Variants in ENOX1 observed in about 807,000 individuals in gnomAD.
ENOX1 encodes the protein ecto-NOX disulfide-thiol exchanger 1.
In ENOX1, 42 loss-of-function variants were observed where a neutral mutation model predicts 82.5. That is an observed-to-expected ratio of 0.51 (90% CI 0.40 to 0.66). The LOEUF is 0.66. ENOX1 is among the 30% of genes least tolerant of loss of function. ENOX1 has a pLI of 0.00. For synonymous variants in ENOX1, 271 were observed against 282.2 expected (o/e 0.96, Z 0.40); for missense variants, 608 against 811.6 (o/e 0.75, Z 3.05).
chr13:43,752,171 C>T (rs56245533), intron 1 of ENOX1, among the ~76,000 whole-genome samples: 3,304 of 152,184 alleles, frequency 0.022, 134 homozygotes, highest in African/African-American at 0.076. Flanking sequence ...TATTTACCAC[C>T]CATATTTCTT....
At chr13:43,435,355 C>T (rs375409597) in intron 3 of ENOX1, among the ~76,000 whole-genome samples, 1 of 152,264 alleles carries the variant, frequency 6.6e-6, no homozygotes, top group East Asian at 1.9e-4. Context: ...TGTGATTGTA[C>T]ATTACATCCT....
intron 1 of ENOX1, among the ~76,000 whole-genome samples, chr13:43,729,218 T>C (rs776575225): frequency 2.0e-5 from 3 of 152,226 alleles, no homozygotes; most frequent in Admixed American, 6.5e-5. Flanking sequence ...GATGTAATTA[T>C]ATATGTCAAG....
intron 11 of ENOX1, among the ~76,000 whole-genome samples, chr13:43,302,747 C>T (rs1171703208): frequency 6.6e-6 from 1 of 152,156 alleles, no homozygotes; most frequent in Non-Finnish European, 1.5e-5. Context: ...TCCTGTCTTA[C>T]TGTGTTTCCA....
chr13:43,260,393 G>A (rs769088164), intron 14 of ENOX1, among the ~76,000 whole-genome samples: 3 of 152,206 alleles, frequency 2.0e-5, no homozygotes, highest in Admixed American at 6.5e-5. Flanking sequence ...TTTAACCCCA[G>A]TGTGGGAGTG....
chr13:43,680,852 TTA>T (rs1566759630), intron 1 of ENOX1, among the ~76,000 whole-genome samples: 1 of 152,032 alleles, frequency 6.6e-6, no homozygotes, highest in African/African-American at 2.4e-5. Context: ...ATCTGGAAAA[TTA>T]TTTTTCCAAC....
intron 2 of ENOX1, among the ~76,000 whole-genome samples, chr13:43,569,227 T>G (rs1402245664): frequency 6.6e-6 from 1 of 152,208 alleles, no homozygotes; most frequent in African/African-American, 2.4e-5. Flanking sequence ...TCATGGTTGC[T>G]TTTTCCATCC....
chr13:43,678,972 T>C (rs535247692), intron 1 of ENOX1, among the ~76,000 whole-genome samples: 1 of 152,278 alleles, frequency 6.6e-6, no homozygotes, highest in Non-Finnish European at 1.5e-5. Flanking sequence ...AGAGATAGGT[T>C]GTTATGCATA....
At chr13:43,601,932 T>G (rs1010303245) in intron 2 of ENOX1, among the ~76,000 whole-genome samples, 5 of 152,058 alleles carry the variant, frequency 3.3e-5, no homozygotes, top group African/African-American at 1.2e-4. Flanking sequence ...CTTCTTATCC[T>G]AGAATAGTAT....
intron 2 of ENOX1, among the ~76,000 whole-genome samples, chr13:43,556,908 C>A (rs1025886835): frequency 2.3e-4 from 35 of 152,136 alleles, no homozygotes; most frequent in African/African-American, 8.4e-4. Flanking sequence ...GCAGGGATTA[C>A]CAGGGAAGGG....
intron 5 of ENOX1, among the ~76,000 whole-genome samples, chr13:43,381,143 G>A (rs563933345): frequency 6.6e-6 from 1 of 151,784 alleles, no homozygotes; most frequent in East Asian, 1.9e-4. Context: ...ATCAAGATTG[G>A]CCATATTCTG....
rs535761613 is a variant in ENOX1 at position 43,715,233 on chromosome 13, T to C, written c.-284-47689A>G. ...TTCTTTTCTTTAAGAATGTTGAATATTGGCCCCCACTGTCTTCTGGCTTGT... is the reference window on the plus strand; with the variant it reads ...TTCTTTTCTTTAAGAATGTTGAATACTGGCCCCCACTGTCTTCTGGCTTGT... On this transcript the variant is annotated intron_variant, in intron 1 of 16. Coordinates refer to ENST00000690772, the MANE Select transcript of ENOX1 (RefSeq NM_001347969.2). Among the ~76,000 whole-genome samples the C allele has an allele frequency of 5.9e-5, 9 of 152,370 alleles. No individual in the cohort carries two copies. The East Asian group carries it at 1.7e-3, about 29-fold the overall frequency.
chr13:43,593,341 G>T (rs1402997741), intron 2 of ENOX1, among the ~76,000 whole-genome samples: 1 of 152,206 alleles, frequency 6.6e-6, no homozygotes, highest in East Asian at 1.9e-4. Flanking sequence ...AAAATGGTTT[G>T]GAATTGAGGG....
At chr13:43,649,656 C>T (rs1330566645) in intron 2 of ENOX1, among the ~76,000 whole-genome samples, 1 of 152,112 alleles carries the variant, frequency 6.6e-6, no homozygotes, top group East Asian at 1.9e-4. Context: ...AGACATTTCC[C>T]TGACATAGCA....
chr13:43,574,846 G>A (rs2080344149), intron 2 of ENOX1, among the ~76,000 whole-genome samples: 2 of 152,290 alleles, frequency 1.3e-5, no homozygotes, highest in Middle Eastern at 6.8e-3. Flanking sequence ...GACACTGGGT[G>A]TGTACGATTG....
At chr13:43,689,527 C>T (rs991992031) in intron 1 of ENOX1, among the ~76,000 whole-genome samples, 4 of 152,134 alleles carry the variant, frequency 2.6e-5, no homozygotes, top group Admixed American at 2.0e-4. Context: ...GAAAAATAAG[C>T]CAAATTGGAT....
At chr13:43,285,610 A>G (rs980313036) in intron 12 of ENOX1, among the ~76,000 whole-genome samples, 1 of 152,058 alleles carries the variant, frequency 6.6e-6, no homozygotes, top group Non-Finnish European at 1.5e-5. Context: ...GTTCGAGACC[A>G]GCCTGGCCAA....
intron 2 of ENOX1, among the ~76,000 whole-genome samples, chr13:43,606,356 C>T (rs1274092447): frequency 6.6e-6 from 1 of 152,194 alleles, no homozygotes; most frequent in Admixed American, 6.5e-5. Flanking sequence ...GATATCTGCA[C>T]TCTCATGTTT....
chr13:43,309,532 A>G (rs1450052218), intron 11 of ENOX1, among the ~76,000 whole-genome samples: 1 of 152,094 alleles, frequency 6.6e-6, no homozygotes, highest in Non-Finnish European at 1.5e-5. Flanking sequence ...CCAAGGACTT[A>G]TTTTCGGAAT....
chr13:43,437,942 T>C (rs17573327), intron 3 of ENOX1, among the ~76,000 whole-genome samples: 32,455 of 152,084 alleles, frequency 0.21, 3,811 homozygotes, highest in Middle Eastern at 0.31. Context: ...TCTCCAAGGT[T>C]AAATAGAGGA....
Sources: gnomAD v4.1 joint callset for allele counts (sites outside exome capture counted in the v4.1 genomes callset) on GRCh38, gnomAD v4.1.1 for gene constraint, MANE v1.5 for transcripts, NCBI Gene and HGNC (gene_info 2026-07-23, HGNC 2026-07-21) for gene names.